The following GAREM1 variants were observed in gnomAD, a reference collection of about 807,000 sequenced individuals.
GAREM1 encodes GRB2-associated and regulator of MAPK protein 1.
Under a neutral mutation model 71.3 loss-of-function variants are expected in GAREM1, and 26 were observed. The ratio of observed to expected loss-of-function variants is 0.36; its 90% CI spans 0.27 to 0.51. The LOEUF (loss-of-function observed/expected upper bound fraction) is 0.51. Among genes scored for constraint, GAREM1 ranks in the 20% least tolerant of loss-of-function variants. The pLI, the probability that GAREM1 is intolerant of heterozygous loss-of-function variation, is 0.95. For missense variants in GAREM1, 1,026 were observed against 1,103.1 expected (o/e 0.93, Z 0.99); for synonymous variants, 440 against 433.2 (o/e 1.02, Z -0.20).
intron 2 of GAREM1, among the ~76,000 whole-genome samples, chr18:32,373,063 C>A (rs1026388646): frequency 6.6e-6 from 1 of 152,148 alleles, no homozygotes; most frequent in Non-Finnish European, 1.5e-5. Flanking sequence ...TAATCACTCT[C>A]CCTAGTCTGT....
At position 32,364,796 on chromosome 18, in the gene GAREM1, C is replaced by T. The variant is rs533342757; in HGVS notation, c.262+28099G>A. Among the ~76,000 whole-genome samples, 9 of 151,990 alleles carry T rather than the reference C, an allele frequency of 5.9e-5. No homozygotes were observed. The South Asian group carries it at 1.7e-3, about 28-fold the overall frequency. Reference sequence around the variant, plus strand: ...AGCAGAAAAATGTGGAAAAAGTACACCAGAGATGAACAAAGATAATCAAAT... The same window carrying T: ...AGCAGAAAAATGTGGAAAAAGTACATCAGAGATGAACAAAGATAATCAAAT... On this transcript the variant is annotated intron_variant, in intron 2 of 5. Coordinates refer to ENST00000269209, the MANE Select transcript of GAREM1 (RefSeq NM_001242409.2).
At chr18:32,295,271 T>G (rs527681531) in intron 3 of GAREM1, among the ~76,000 whole-genome samples, 1 of 152,264 alleles carries the variant, frequency 6.6e-6, no homozygotes, top group South Asian at 2.1e-4. Context: ...CATTATATAT[T>G]ATAATAGATT....
chr18:32,430,511 A>G (rs1265321782), intron 1 of GAREM1, among the ~76,000 whole-genome samples: 4 of 152,202 alleles, frequency 2.6e-5, no homozygotes, highest in African/African-American at 9.7e-5. Context: ...CAGTCTGGAG[A>G]TCCACAGCCT....
Position 32,444,779 on chromosome 18 carries a change from C to T in GAREM1, c.121+25529G>A, listed in dbSNP as rs17744057. Among the ~76,000 whole-genome samples, 3,466 of 152,182 alleles carry T rather than the reference C, an allele frequency of 0.023. 378 individuals carry two copies. The East Asian group carries it at 0.33, about 15-fold the overall frequency. On this transcript the variant is annotated intron_variant, in intron 1 of 5. Coordinates refer to ENST00000269209, the MANE Select transcript of GAREM1 (RefSeq NM_001242409.2). ...TGAAAAACTCTCTATATCCCTTTTC[C>T]TATGGGCTGGTTCAGCAAATTCTAG...
intron 2 of GAREM1, among the ~76,000 whole-genome samples, chr18:32,322,881 G>A (rs779628658): frequency 1.3e-5 from 2 of 152,260 alleles, no homozygotes; most frequent in East Asian, 1.9e-4. Context: ...CCGCAGTGCC[G>A]TAACAGCTGG....
intron 1 of GAREM1, among the ~76,000 whole-genome samples, chr18:32,440,951 T>C (rs537108537): frequency 1.4e-3 from 212 of 152,362 alleles, no homozygotes; most frequent in African/African-American, 4.7e-3. Flanking sequence ...TCAAAGAGTT[T>C]ATCAAGTATA....
At chr18:32,379,658 T>C (rs1311546379) in intron 2 of GAREM1, among the ~76,000 whole-genome samples, 1 of 150,450 alleles carries the variant, frequency 6.6e-6, no homozygotes, top group Non-Finnish European at 1.5e-5. Flanking sequence ...TGAGCCAAGA[T>C]CACACCACTG....
chr18:32,310,124 G>A (rs2047301864), intron 3 of GAREM1, 69 bp downstream of exon 3: 3 of 1,547,756 alleles, frequency 1.9e-6, no homozygotes, highest in Middle Eastern at 1.7e-4. Flanking sequence ...CACTTACTGT[G>A]TACATCCAGA....
chr18:32,294,669 G>T (rs150502335), intron 3 of GAREM1, among the ~76,000 whole-genome samples: 1 of 152,258 alleles, frequency 6.6e-6, no homozygotes, highest in East Asian at 1.9e-4. Flanking sequence ...GGACACTGCT[G>T]TTGAGTCATA....
chr18:32,377,299 G>A (rs1207631157), intron 2 of GAREM1, among the ~76,000 whole-genome samples: 2 of 152,198 alleles, frequency 1.3e-5, no homozygotes, highest in Non-Finnish European at 2.9e-5. Flanking sequence ...CCATAAGGAA[G>A]AAGGGGATGA....
chr18:32,409,403 T>C (rs2048397068), intron 1 of GAREM1, among the ~76,000 whole-genome samples: 1 of 152,192 alleles, frequency 6.6e-6, no homozygotes, highest in South Asian at 2.1e-4. Flanking sequence ...GACTATAACC[T>C]TGAACTCCAA....
At chr18:32,392,833 A>T (rs2048215530) in intron 2 of GAREM1, 62 bp downstream of exon 2, 2 of 1,544,162 alleles carry the variant, frequency 1.3e-6, no homozygotes, top group Non-Finnish European at 8.9e-7. Flanking sequence ...TTAGAGGAAA[A>T]GTTTAGCTAT....
chr18:32,272,542 C>T (rs530146874), intron 4 of GAREM1, among the ~76,000 whole-genome samples: 2 of 151,974 alleles, frequency 1.3e-5, no homozygotes, highest in South Asian at 2.1e-4. Context: ...AAAGGATGCC[C>T]GGGAGGAAAT....
At chr18:32,334,769 C>T (rs781686939) in intron 2 of GAREM1, among the ~76,000 whole-genome samples, 14 of 152,160 alleles carry the variant, frequency 9.2e-5, no homozygotes, top group Non-Finnish European at 1.6e-4. Context: ...ATACAACCTC[C>T]GATAGATCAC....
At chr18:32,434,959 G>A (rs1047573014) in intron 1 of GAREM1, among the ~76,000 whole-genome samples, 4 of 152,108 alleles carry the variant, frequency 2.6e-5, no homozygotes, top group African/African-American at 9.7e-5. Context: ...CACCAGTAAT[G>A]AGCTATATTG....
chr18:32,424,745 T>C (rs1010409630), intron 1 of GAREM1, among the ~76,000 whole-genome samples: 11 of 152,230 alleles, frequency 7.2e-5, no homozygotes, highest in Admixed American at 5.2e-4. Flanking sequence ...TATCAACATA[T>C]ATATAAATAG....
chr18:32,300,283 C>T (rs2144498561), intron 3 of GAREM1, among the ~76,000 whole-genome samples: 2 of 152,306 alleles, frequency 1.3e-5, no homozygotes, highest in Middle Eastern at 3.4e-3. Flanking sequence ...TTATTATAAA[C>T]TTAAAACGCA....
intron 1 of GAREM1, among the ~76,000 whole-genome samples, chr18:32,463,336 A>T (rs2048969563): frequency 6.6e-6 from 1 of 150,460 alleles, no homozygotes; most frequent in African/African-American, 2.5e-5. Context: ...AAAAAAAAAT[A>T]AAAAGACTTT....
chr18:32,317,338 T>A (rs759514899), intron 2 of GAREM1, among the ~76,000 whole-genome samples: 1 of 144,010 alleles, frequency 6.9e-6, no homozygotes, highest in Non-Finnish European at 1.5e-5. Flanking sequence ...CCAGGAGGCA[T>A]AGGTTGCAGT....
Sources: gnomAD v4.1 joint callset for allele counts (sites outside exome capture counted in the v4.1 genomes callset) on GRCh38, gnomAD v4.1.1 for gene constraint, MANE v1.5 for transcripts, NCBI Gene and HGNC (gene_info 2026-07-23, HGNC 2026-07-21) for gene names.